CRKL: variants seen among roughly 807,000 people sequenced by gnomAD.
CRKL encodes the protein CRK like proto-oncogene, adaptor protein.
In CRKL, 3 loss-of-function variants were observed where a neutral mutation model predicts 23.0. The ratio of observed to expected loss-of-function variants is 0.13; its 90% CI spans 0.06 to 0.34. CRKL has a LOEUF of 0.34. Among genes scored for constraint, CRKL ranks in the 10% least tolerant of loss-of-function variants. The pLI, the probability that CRKL is intolerant of heterozygous loss-of-function variation, is 1.00. For synonymous variants in CRKL, 188 were observed against 160.7 expected, an observed-to-expected ratio of 1.17 and a Z score of -1.28; for missense variants, 256 against 394.5, an observed-to-expected ratio of 0.65 and a Z score of 2.97.
intron 2 of CRKL, among the ~76,000 whole-genome samples, chr22:20,944,069 C>CA (rs202094880): frequency 0.018 from 2,367 of 134,118 alleles, 46 homozygotes; most frequent in East Asian, 0.061. Context: ...CCCATTGCTG[C>CA]AAAAAAAAAG....
At chr22:20,941,588 A>ATATATATATTTT (rs1247116681) in intron 2 of CRKL, among the ~76,000 whole-genome samples, 2 of 33,552 alleles carry the variant, frequency 6.0e-5, no homozygotes, top group African/African-American at 2.4e-4. Flanking sequence ...GTATATATAT[A>ATATATATATTTT]TTTTTTTTTT....
chr22:20,938,337 T>C (rs994588978), intron 2 of CRKL, among the ~76,000 whole-genome samples: 2 of 152,232 alleles, frequency 1.3e-5, no homozygotes, highest in African/African-American at 4.8e-5. Context: ...TTTCTTTTCT[T>C]GCTGACTTTT....
chr22:20,945,485 G>A (rs190550668), intron 2 of CRKL, among the ~76,000 whole-genome samples: 51 of 151,934 alleles, frequency 3.4e-4, no homozygotes, highest in Middle Eastern at 3.4e-3. Flanking sequence ...CTTTAGCCCC[G>A]CCCCCTACCT....
intron 2 of CRKL, among the ~76,000 whole-genome samples, chr22:20,940,518 T>G (rs556228891): frequency 2.6e-5 from 4 of 152,140 alleles, no homozygotes; most frequent in South Asian, 4.2e-4. Flanking sequence ...TGTTTGCCAG[T>G]GTGTTTGGTC....
At chr22:20,919,520 G>A (rs772282033) in intron 1 of CRKL, among the ~76,000 whole-genome samples, 20 of 152,150 alleles carry the variant, frequency 1.3e-4, no homozygotes, top group Non-Finnish European at 2.5e-4. Flanking sequence ...TTGATTAGTT[G>A]CTTTAATTTG....
At position 20,950,655 on chromosome 22, in the gene CRKL, C is replaced by T. The variant is rs1032772245; in HGVS notation, c.*810C>T. The T allele has an allele frequency of 1.4e-5, 3 of 214,334 alleles. No individual in the cohort carries two copies. Among genetic ancestry groups the T allele is most frequent in the Non-Finnish European group, 2.8e-5 (3 of 107,924 alleles). 13.3% of individuals were successfully genotyped at this position (214,334 alleles called of 1,614,324 possible). A position where few individuals can be genotyped will look rare whatever the true frequency, so the allele number is the denominator to read the frequency against. The stretch of plus-strand genomic sequence containing the variant: ...CTCAAACTCCTGACTTCAGGTGATC[C>T]ACCCGCCTTCAGCCTCCCAACGTGC... On this transcript the variant is annotated 3_prime_UTR_variant, in exon 3 of 3. Coordinates refer to ENST00000354336, the MANE Select transcript of CRKL (RefSeq NM_005207.4).
rs1358955250 is a variant in CRKL, at chr22:20,951,609, C to T, written c.*1764C>T. On this transcript the variant is annotated 3_prime_UTR_variant, in exon 3 of 3. Coordinates refer to ENST00000354336, the MANE Select transcript of CRKL (RefSeq NM_005207.4). ...GACCTAGAAATGTAGCAGCAGCCTA[C>T]TGAGTAGCTTTCATTTACTGATCAT... 3 of 225,530 alleles carry T rather than the reference C, an allele frequency of 1.3e-5. No homozygotes were observed. Among genetic ancestry groups the T allele is most frequent in the Admixed American group, 5.7e-5 (1 of 17,490 alleles). 14.0% of individuals were successfully genotyped at this position (225,530 alleles called of 1,614,324 possible). A position where few individuals can be genotyped will look rare whatever the true frequency, so the allele number is the denominator to read the frequency against.
chr22:20,934,320 T>C, intron 2 of CRKL, 76 bp downstream of exon 2: 1 of 1,263,040 alleles, frequency 7.9e-7, no homozygotes, highest in Non-Finnish European at 1.1e-6. Flanking sequence ...TAGTTTCTGC[T>C]CATTTAAGCT....
At chr22:20,923,173 T>C (rs533324742) in intron 1 of CRKL, among the ~76,000 whole-genome samples, 1 of 152,274 alleles carries the variant, frequency 6.6e-6, no homozygotes, top group African/African-American at 2.4e-5. Flanking sequence ...AATAATGTAC[T>C]GTACTCAGCA....
Position 20,939,398 on chromosome 22 carries a change from G to A in CRKL, c.777+5154G>A, listed in dbSNP as rs562500545. ...TGGGACTACAGGCACCTGCCACCAC[G>A]CCCGGCTAATTTTTTTTTTTGTATT... is the stretch of plus-strand genomic sequence containing the variant. On this transcript the variant is annotated intron_variant, in intron 2 of 2. Transcript: ENST00000354336. Among the ~76,000 whole-genome samples the A allele has an allele frequency of 4.9e-3, 474 of 96,198 alleles. 3 individuals carry two copies. Among genetic ancestry groups the A allele is most frequent in the African/African-American group, 0.015 (451 of 29,930 alleles). The allele number at this position is 96,198 out of a possible 152,430, so 63.1% of individuals were successfully genotyped here.
At chr22:20,932,216 C>G (rs761335716) in intron 1 of CRKL, among the ~76,000 whole-genome samples, 5 of 152,130 alleles carry the variant, frequency 3.3e-5, no homozygotes, top group Non-Finnish European at 7.3e-5. Flanking sequence ...TCAAGTAATG[C>G]TCCTGCCTCA....
intron 1 of CRKL, among the ~76,000 whole-genome samples, chr22:20,933,230 C>T (rs756835945): frequency 1.1e-4 from 16 of 151,348 alleles, no homozygotes; most frequent in Non-Finnish European, 2.2e-4. Flanking sequence ...ATTAGCGGGG[C>T]GTGGTGGCAT....
intron 1 of CRKL, among the ~76,000 whole-genome samples, chr22:20,924,001 A>G (rs1601673723): frequency 6.6e-6 from 1 of 152,176 alleles, no homozygotes; most frequent in East Asian, 1.9e-4. Context: ...AGCCCTGGCA[A>G]GATAGTGAGA....
At chr22:20,941,614 A>G (rs1395197215) in intron 2 of CRKL, among the ~76,000 whole-genome samples, 3 of 19,098 alleles carry the variant, frequency 1.6e-4, no homozygotes, top group African/African-American at 5.5e-4. Context: ...TTTTTTTTTG[A>G]GATAGAGTCT....
At chr22:20,919,057 T>G (rs1456783414) in intron 1 of CRKL, among the ~76,000 whole-genome samples, 1 of 148,898 alleles carries the variant, frequency 6.7e-6, no homozygotes, top group African/African-American at 2.5e-5. Context: ...AACTCCAGGT[T>G]AAGAACTCCA....
chr22:20,918,356 A>C, intron 1 of CRKL, 111 bp downstream of exon 1: 1 of 1,246,386 alleles, frequency 8.0e-7, no homozygotes. Flanking sequence ...CGCATTCTGA[A>C]CCAAATTATT....
At chr22:20,931,834 C>T (rs1037481494) in intron 1 of CRKL, among the ~76,000 whole-genome samples, 2 of 151,774 alleles carry the variant, frequency 1.3e-5, no homozygotes, top group African/African-American at 4.8e-5. Flanking sequence ...TTTTTTGAGA[C>T]GGAGTCTCGC....
At chr22:20,930,640 C>T (rs1449314465) in intron 1 of CRKL, among the ~76,000 whole-genome samples, 1 of 150,210 alleles carries the variant, frequency 6.7e-6, no homozygotes, top group Non-Finnish European at 1.5e-5. Context: ...CCTCGGCCTC[C>T]CAGTGTTGGG....
intron 2 of CRKL, among the ~76,000 whole-genome samples, chr22:20,937,246 C>T (rs1286154801): frequency 6.6e-6 from 1 of 152,146 alleles, no homozygotes; most frequent in African/African-American, 2.4e-5. Flanking sequence ...GTGCTCTGGG[C>T]TGTTAATACC....
Sources: gnomAD v4.1 joint callset for allele counts (sites outside exome capture counted in the v4.1 genomes callset) on GRCh38, gnomAD v4.1.1 for gene constraint, MANE v1.5 for transcripts, NCBI Gene and HGNC (gene_info 2026-07-23, HGNC 2026-07-21) for gene names.